Variants in GLB1L2 observed in about 807,000 individuals in gnomAD.
GLB1L2 encodes the protein beta-galactosidase-1-like protein 2.
In GLB1L2, 68 loss-of-function variants were observed where a neutral mutation model predicts 84.1. The ratio of observed to expected loss-of-function variants is 0.81; its 90% CI spans 0.67 to 0.99. GLB1L2 has a LOEUF of 0.99. Among genes scored for constraint, GLB1L2 ranks in the 50% least tolerant of loss-of-function variants. GLB1L2 has a pLI of 0.00. For synonymous variants in GLB1L2, 290 were observed against 318.0 expected, an observed-to-expected ratio of 0.91 and a Z score of 0.94; for missense variants, 762 against 805.6, an observed-to-expected ratio of 0.95 and a Z score of 0.66.
intron 8 of GLB1L2, among the ~76,000 whole-genome samples, chr11:134,365,877 C>G (rs1555090089): frequency 6.6e-6 from 1 of 152,222 alleles, no homozygotes; most frequent in Non-Finnish European, 1.5e-5. Flanking sequence ...TCCTCTGTGT[C>G]CATGACCCGT....
At position 134,370,289 on chromosome 11, in the gene GLB1L2, G is replaced by T. The variant is rs776187623; in HGVS notation, c.1109-4G>T. On this transcript the variant is annotated splice_region_variant and splice_polypyrimidine_tract_variant and intron_variant, in intron 11 of 18. Transcript: ENST00000535456. This position sits in a 1 kb window ranked among gnomAD's most constrained non-coding sequence, Gnocchi z 4.7. ...TGGGGGTGACCCTGTTTTCTGTGTT[G>T]CAGGCATCCCTCTCCCTCCCCCACC... The T allele has an allele frequency of 6.7e-5, 108 of 1,612,702 alleles. No individual in the cohort carries two copies. The highest frequency in any genetic ancestry group is 8.7e-5 in the Non-Finnish European group (103 of 1,178,948).
At chr11:134,342,431 GCCCGC>G (rs577419143) in intron 1 of GLB1L2, among the ~76,000 whole-genome samples, 12 of 151,898 alleles carry the variant, frequency 7.9e-5, no homozygotes, top group Admixed American at 2.0e-4. Context: ...CCCGTGCGGC[GCCCGC>G]CCCGCCCCGC....
chr11:134,361,794 C>T (rs920097128), intron 7 of GLB1L2, among the ~76,000 whole-genome samples: 4 of 152,126 alleles, frequency 2.6e-5, no homozygotes, highest in Non-Finnish European at 5.9e-5. Flanking sequence ...TGGAATCCTG[C>T]TTCCTGGAGT....
intron 4 of GLB1L2, chr11:134,346,456 CAT>C (rs1943553758): frequency 6.6e-6 from 1 of 152,510 alleles, no homozygotes; most frequent in Non-Finnish European, 1.5e-5. Flanking sequence ...CCTGGCCATG[CAT>C]GAGAGGGGCA....
Position 134,347,434 on chromosome 11 carries a change from G to A in GLB1L2, c.558+1G>A, listed in dbSNP as rs771379872. ...GATGTCCAGGGTGGTGCCACTCCAG[G>A]TACAAGCAAATGGGGTCTTCTTTGA... On this transcript the variant is annotated splice_donor_variant, in intron 5 of 18. Transcript: ENST00000535456. LOFTEE classifies it high-confidence loss of function. The A allele has an allele frequency of 6.9e-6, 11 of 1,601,802 alleles. No individual in the cohort carries two copies. In the East Asian group the frequency reaches 2.0e-4, roughly 29 times the overall value.
rs371245370 is a variant in GLB1L2, at chr11:134,369,883, C to T, written c.1106C>T (p.Ser369Leu). ...CTTCGAGACTTCTTCGGCTCCATCTCAGGTACCCAGCAGACAGCAGACTCA... is the reference window on the plus strand; with the variant it reads ...CTTCGAGACTTCTTCGGCTCCATCTTAGGTACCCAGCAGACAGCAGACTCA... Reference protein sequence around the residue: ...MKLRDFFGSISGIPLPPPPDL... With the variant: ...MKLRDFFGSILGIPLPPPPDL... Residue 369 changes from serine to leucine, a missense_variant and splice_region_variant, in exon 11 of 19, where the codon TCA becomes TTA. By Grantham distance (145) the Ser-to-Leu change is moderately radical. This residue lies in a region of GLB1L2 where 603 missense variants were observed against 611.7 expected (regional missense o/e 0.99). Transcript: ENST00000535456. 8.7e-6 allele frequency: 14 copies of T among 1,613,368 alleles called. No individual in the cohort carries two copies. Among genetic ancestry groups the T allele is most frequent in the Non-Finnish European group, 1.0e-5 (12 of 1,179,364 alleles).
intron 4 of GLB1L2, chr11:134,346,346 G>T (rs557379362): frequency 6.6e-6 from 1 of 152,510 alleles, no homozygotes; most frequent in African/African-American, 2.4e-5. Context: ...GGCTCAGCCG[G>T]GGCCGGGCAC....
intron 8 of GLB1L2, among the ~76,000 whole-genome samples, chr11:134,366,240 C>T (rs1287703640): frequency 2.6e-5 from 4 of 152,146 alleles, no homozygotes; most frequent in African/African-American, 4.8e-5. Context: ...GTGATTTAAA[C>T]GTGGTATGGT....
intron 5 of GLB1L2, among the ~76,000 whole-genome samples, chr11:134,350,470 C>G (rs983279085): frequency 6.6e-6 from 1 of 152,242 alleles, no homozygotes; most frequent in African/African-American, 2.4e-5. Context: ...CAGATCCTCT[C>G]TCCTCACCAC....
At position 134,374,696 on chromosome 11, in the gene GLB1L2, G is replaced by C; in HGVS notation, c.1802G>C (p.Trp601Ser). The change falls in exon 18 of 19, where the codon TGG becomes TCG. Residue 601 changes from tryptophan (W) to serine (S), a missense_variant. Trp to Ser is a radical substitution (Grantham distance 177, BLOSUM62 -3). Around this residue, in one of 3 missense-constraint regions of GLB1L2, gnomAD observed 603 missense variants for 611.7 expected, o/e 0.99. Coordinates refer to ENST00000535456, the MANE Select transcript of GLB1L2 (RefSeq NM_001370461.1). Reference protein sequence around the residue: ...PQKTLYLPGPWLSSGINQVIV... With the variant: ...PQKTLYLPGPSLSSGINQVIV... ...AAGACGCTTTACCTCCCAGGTCCCT[G>C]GTTGAGCAGCGGAATCAACCAGGTG... The C allele has an allele frequency of 6.2e-7, 1 of 1,613,816 alleles. No individual in the cohort carries two copies. Among genetic ancestry groups the C allele is most frequent in the Non-Finnish European group, 8.5e-7 (1 of 1,179,810 alleles).
chr11:134,373,319 T>C (rs1281107986), intron 15 of GLB1L2, among the ~76,000 whole-genome samples: 1 of 152,156 alleles, frequency 6.6e-6, no homozygotes, highest in Non-Finnish European at 1.5e-5. Flanking sequence ...TAATCCTAGG[T>C]GGCAGAGATG....
At chr11:134,346,057 G>A (rs1192657299) in intron 4 of GLB1L2, among the ~76,000 whole-genome samples, 2 of 152,174 alleles carry the variant, frequency 1.3e-5, no homozygotes, top group Non-Finnish European at 2.9e-5. Flanking sequence ...TGTACCAGGT[G>A]GTTAGACCCA....
chr11:134,359,065 G>A lies in GLB1L2; in HGVS notation c.657G>A (p.Leu219=), dbSNP rs1943745600. 6.3e-7 allele frequency: 1 copy of A among 1,599,390 alleles called. No individual in the cohort carries two copies. The highest frequency in any genetic ancestry group is 2.3e-5 in the East Asian group (1 of 43,912). ...PAYMPYVKKA[L]EDRGIVELLL... ...TTGTCTCATTTCCCCCACAGGCACT[G>A]GAGGACCGTGGCATTGTGGAACTGC... Residue 219 remains leucine, a synonymous_variant, in exon 7 of 19, where the codon CTG becomes CTA. Transcript: ENST00000535456.
At chr11:134,354,805 A>C (rs7935733) in intron 5 of GLB1L2, among the ~76,000 whole-genome samples, 6,849 of 152,182 alleles carry the variant, frequency 0.045, 510 homozygotes, top group East Asian at 0.32. Context: ...TTTGTCTTCA[A>C]TGGTTTGATT....
At chr11:134,374,782 C>T in intron 18 of GLB1L2, 64 bp downstream of exon 18, 1 of 1,405,106 alleles carries the variant, frequency 7.1e-7, no homozygotes. Flanking sequence ...CCCAGGGAGC[C>T]TTCGGTCAGG....
chr11:134,337,505 T>C (rs1414610406), intron 1 of GLB1L2, among the ~76,000 whole-genome samples: 1 of 151,998 alleles, frequency 6.6e-6, no homozygotes, highest in Non-Finnish European at 1.5e-5. Flanking sequence ...GGCCAAAGAG[T>C]GAATAGTTCC....
In GLB1L2 at chr11:134,334,446, GTCTTAGAATTTTTA is replaced by G. The variant is rs1478527628; in HGVS notation, c.86+2301_86+2314del. Among the ~76,000 whole-genome samples, 1 of 152,106 alleles carries G rather than the reference GTCTTAGAATTTTTA, an allele frequency of 6.6e-6. No homozygotes were observed. The highest frequency in any genetic ancestry group is 1.5e-5 in the Non-Finnish European group (1 of 68,030). ...AGGTTGACTTTTGGGGAGGATTTCA[GTCTTAGAATTTTTA>G]TTTTTATTTTTTTTAAGCGTAAACA... On this transcript the variant is annotated intron_variant, in intron 1 of 18. Transcript: ENST00000535456. This position sits in a 1 kb window ranked among gnomAD's most constrained non-coding sequence, Gnocchi z 4.1.
intron 1 of GLB1L2, among the ~76,000 whole-genome samples, chr11:134,335,027 G>C (rs998091404): frequency 3.9e-5 from 6 of 152,162 alleles, no homozygotes; most frequent in African/African-American, 1.4e-4. Flanking sequence ...AAAGTTGGGA[G>C]AGGGGAAAGC....
At chr11:134,348,555 T>C (rs1007078721) in intron 5 of GLB1L2, among the ~76,000 whole-genome samples, 1 of 152,224 alleles carries the variant, frequency 6.6e-6, no homozygotes, top group Non-Finnish European at 1.5e-5. Flanking sequence ...TTATTTAACA[T>C]ATTTAAATAA....
Sources: gnomAD v4.1 joint callset for allele counts (sites outside exome capture counted in the v4.1 genomes callset) on GRCh38, gnomAD v4.1.1 for gene constraint, gnomAD v4.1.1 regional missense constraint, Gnocchi (gnomAD v3.1) non-coding constraint, MANE v1.5 for transcripts, NCBI Gene and HGNC (gene_info 2026-07-23, HGNC 2026-07-21) for gene names.